Variants in ARHGAP15 observed in about 807,000 individuals in gnomAD.
ARHGAP15 encodes the protein Rho GTPase activating protein 15.
Under a neutral mutation model 63.7 loss-of-function variants are expected in ARHGAP15, and 51 were observed. The observed-to-expected ratio is 0.80, with a 90% CI of 0.64 to 1.01. The LOEUF (loss-of-function observed/expected upper bound fraction) is 1.01, where lower values mean the gene tolerates loss of function less well. Among genes scored for constraint, ARHGAP15 ranks in the 50% least tolerant of loss-of-function variants. ARHGAP15 has a pLI of 0.00. For synonymous variants in ARHGAP15, 191 were observed against 193.8 expected (o/e 0.99, Z 0.12); for missense variants, 560 against 564.6 (o/e 0.99, Z 0.08).
At chr2:143,737,620 CTTAT>C (rs1559153510) in intron 13 of ARHGAP15, among the ~76,000 whole-genome samples, 1 of 152,160 alleles carries the variant, frequency 6.6e-6, no homozygotes, top group Non-Finnish European at 1.5e-5. Flanking sequence ...TTCGAACATG[CTTAT>C]TTAATGTCCT....
At chr2:143,431,824 G>A (rs542888687) in intron 6 of ARHGAP15, among the ~76,000 whole-genome samples, 3 of 151,918 alleles carry the variant, frequency 2.0e-5, no homozygotes, top group African/African-American at 4.8e-5. Flanking sequence ...TGTCATGAAC[G>A]CATCCTCTCT....
chr2:143,710,505 G>A (rs1398627431), intron 13 of ARHGAP15, among the ~76,000 whole-genome samples: 3 of 152,190 alleles, frequency 2.0e-5, no homozygotes, highest in Non-Finnish European at 2.9e-5. Context: ...GTGCCTCCTC[G>A]TTCTAGAGGA....
At chr2:143,627,827 T>A (rs1226451470) in intron 12 of ARHGAP15, among the ~76,000 whole-genome samples, 1 of 152,092 alleles carries the variant, frequency 6.6e-6, no homozygotes, top group Non-Finnish European at 1.5e-5. Context: ...TTTGTGGGGT[T>A]TTTTTTCGAC....
chr2:143,533,709 C>T (rs1222177175), intron 10 of ARHGAP15, among the ~76,000 whole-genome samples: 1 of 152,154 alleles, frequency 6.6e-6, no homozygotes, highest in South Asian at 2.1e-4. Flanking sequence ...GTACCCTCCT[C>T]CTCTCAAGGG....
chr2:143,578,084 A>G (rs567131337), intron 11 of ARHGAP15, among the ~76,000 whole-genome samples: 5 of 152,230 alleles, frequency 3.3e-5, no homozygotes, highest in African/African-American at 1.2e-4. Flanking sequence ...TTGCTTTGGG[A>G]GCTGATGTAC....
intron 5 of ARHGAP15, among the ~76,000 whole-genome samples, chr2:143,240,697 G>T: frequency 6.6e-6 from 1 of 152,172 alleles, no homozygotes; most frequent in East Asian, 1.9e-4. Flanking sequence ...TAATGATTAG[G>T]AAAAACAAGT....
chr2:143,276,176 A>G (rs1681537789), intron 6 of ARHGAP15, among the ~76,000 whole-genome samples: 2 of 152,356 alleles, frequency 1.3e-5, no homozygotes, highest in South Asian at 4.1e-4. Context: ...AGTAAGCATG[A>G]ATAATGTTTA....
At chr2:143,425,918 G>T (rs559752979) in intron 6 of ARHGAP15, among the ~76,000 whole-genome samples, 18 of 152,210 alleles carry the variant, frequency 1.2e-4, no homozygotes, top group African/African-American at 4.1e-4. Flanking sequence ...CTATAAAAAA[G>T]AATTCACTGG....
intron 8 of ARHGAP15, among the ~76,000 whole-genome samples, chr2:143,465,710 A>ACAT (rs1558990074): frequency 5.3e-5 from 8 of 151,944 alleles, no homozygotes; most frequent in African/African-American, 1.9e-4. Context: ...AAGAAAAATA[A>ACAT]GTTTTTTTTT....
At chr2:143,294,367 A>G (rs1682540822) in intron 6 of ARHGAP15, among the ~76,000 whole-genome samples, 2 of 152,142 alleles carry the variant, frequency 1.3e-5, no homozygotes, top group South Asian at 4.1e-4. Flanking sequence ...CATACTAGTT[A>G]GGATAATACT....
chr2:143,335,907 T>C (rs1684750990), intron 6 of ARHGAP15, among the ~76,000 whole-genome samples: 1 of 152,146 alleles, frequency 6.6e-6, no homozygotes, highest in Non-Finnish European at 1.5e-5. Context: ...AATCATGGTA[T>C]GTTTCATGAT....
At chr2:143,665,737 A>C (rs1469950540) in intron 12 of ARHGAP15, among the ~76,000 whole-genome samples, 2 of 151,292 alleles carry the variant, frequency 1.3e-5, no homozygotes, top group African/African-American at 4.9e-5. Flanking sequence ...ATACAAAATC[A>C]ATGTACAAAA....
At chr2:143,616,755 C>T (rs1242528538) in intron 11 of ARHGAP15, among the ~76,000 whole-genome samples, 1 of 152,120 alleles carries the variant, frequency 6.6e-6, no homozygotes, top group African/African-American at 2.4e-5. Context: ...CATAGGACTC[C>T]TAAGAGCTTC....
chr2:143,564,353 G>T (rs760553032), intron 11 of ARHGAP15, among the ~76,000 whole-genome samples: 1 of 152,106 alleles, frequency 6.6e-6, no homozygotes, highest in Non-Finnish European at 1.5e-5. Context: ...CACAAGAAAG[G>T]GGGGATAATT....
At chr2:143,136,016 C>T (rs752408132) in intron 1 of ARHGAP15, among the ~76,000 whole-genome samples, 1 of 152,076 alleles carries the variant, frequency 6.6e-6, no homozygotes, top group Non-Finnish European at 1.5e-5. Flanking sequence ...AGTGAGTATA[C>T]AGTACTCAAA....
At chr2:143,732,539 G>T (rs1162328833) in intron 13 of ARHGAP15, among the ~76,000 whole-genome samples, 1 of 152,136 alleles carries the variant, frequency 6.6e-6, no homozygotes, top group African/African-American at 2.4e-5. Context: ...GAAGTAGGTA[G>T]CTCACAACCT....
intron 6 of ARHGAP15, among the ~76,000 whole-genome samples, chr2:143,418,683 T>A (rs540836359): frequency 2.0e-4 from 31 of 152,136 alleles, no homozygotes; most frequent in African/African-American, 7.0e-4. Flanking sequence ...AATGGAAAAA[T>A]TAAAAATAAC....
At chr2:143,155,934 T>C (rs551483123) in intron 2 of ARHGAP15, among the ~76,000 whole-genome samples, 1 of 151,194 alleles carries the variant, frequency 6.6e-6, no homozygotes, top group Admixed American at 6.6e-5. Context: ...TTCAGTGTCA[T>C]AAAAATAATG....
At chr2:143,653,177 T>C (rs1181919130) in intron 12 of ARHGAP15, among the ~76,000 whole-genome samples, 1 of 152,150 alleles carries the variant, frequency 6.6e-6, no homozygotes, top group Non-Finnish European at 1.5e-5. Flanking sequence ...AACAACTACA[T>C]TGATAGATTT....
Sources: gnomAD v4.1 joint callset for allele counts (sites outside exome capture counted in the v4.1 genomes callset) on GRCh38, gnomAD v4.1.1 for gene constraint, MANE v1.5 for transcripts, NCBI Gene and HGNC (gene_info 2026-07-23, HGNC 2026-07-21) for gene names.